The following PRKD3 variants were observed in gnomAD, a reference collection of about 807,000 sequenced individuals.
PRKD3 encodes the protein serine/threonine-protein kinase D3.
PRKD3 carries 47 observed loss-of-function variants against 99.2 expected under a neutral mutation model. The ratio of observed to expected loss-of-function variants is 0.47; its 90% CI spans 0.38 to 0.60. The LOEUF (loss-of-function observed/expected upper bound fraction) is 0.60. Ranked by LOEUF, PRKD3 falls within the 20% of genes least tolerant of loss-of-function variation. The pLI, the probability that PRKD3 is intolerant of heterozygous loss-of-function variation, is 0.00. For missense variants in PRKD3, 1,019 were observed against 1,088.4 expected (o/e 0.94, Z 0.90); for synonymous variants, 392 against 355.4 (o/e 1.10, Z -1.16).
At chr2:37,310,193 G>A (rs1671360498) in intron 2 of PRKD3, among the ~76,000 whole-genome samples, 1 of 152,062 alleles carries the variant, frequency 6.6e-6, no homozygotes, top group Non-Finnish European at 1.5e-5. Context: ...ATTACCACTG[G>A]CTAATTCTAA....
intron 6 of PRKD3, among the ~76,000 whole-genome samples, chr2:37,282,998 G>C (rs933955418): frequency 1.3e-5 from 2 of 152,162 alleles, no homozygotes; most frequent in African/African-American, 2.4e-5. Context: ...GAAAGAGACT[G>C]AGATCCAACA....
intron 13 of PRKD3, chr2:37,269,368 G>T (rs2148523561): frequency 4.2e-6 from 2 of 478,826 alleles, no homozygotes; most frequent in Non-Finnish European, 7.6e-6. Flanking sequence ...CTGTATGTGT[G>T]AGCTACAAGA....
At chr2:37,254,712 T>C (rs964792019) in intron 17 of PRKD3, among the ~76,000 whole-genome samples, 1 of 152,138 alleles carries the variant, frequency 6.6e-6, no homozygotes, top group East Asian at 1.9e-4. Context: ...TGAAGATGAA[T>C]GAAACAGACT....
intron 14 of PRKD3, among the ~76,000 whole-genome samples, chr2:37,264,080 T>G (rs982884400): frequency 1.3e-5 from 2 of 152,166 alleles, no homozygotes; most frequent in Admixed American, 1.3e-4. Context: ...CATTACCACA[T>G]AATCTAGGAA....
chr2:37,260,417 T>G, intron 14 of PRKD3, 33 bp from the exon 15 acceptor site: 2 of 1,568,486 alleles, frequency 1.3e-6, no homozygotes, highest in South Asian at 1.1e-5. Flanking sequence ...ATGAGCAACT[T>G]AAGCAGAGAA....
chr2:37,318,517 C>T (rs947772815), intron 1 of PRKD3, among the ~76,000 whole-genome samples: 2 of 152,216 alleles, frequency 1.3e-5, no homozygotes, highest in African/African-American at 2.4e-5. Context: ...CAAGAACACA[C>T]TATTTCTCGA....
intron 2 of PRKD3, among the ~76,000 whole-genome samples, chr2:37,307,332 A>G (rs1671210002): frequency 6.6e-6 from 1 of 152,256 alleles, no homozygotes; most frequent in Non-Finnish European, 1.5e-5. Flanking sequence ...TAAAAATTTC[A>G]GAGCATTCTA....
intron 14 of PRKD3, among the ~76,000 whole-genome samples, chr2:37,262,138 C>G (rs1668511704): frequency 6.6e-6 from 1 of 152,110 alleles, no homozygotes; most frequent in Non-Finnish European, 1.5e-5. Flanking sequence ...TGAGGAGCAT[C>G]CTGTACATTT....
intron 14 of PRKD3, among the ~76,000 whole-genome samples, chr2:37,265,689 A>G (rs920446268): frequency 6.6e-6 from 1 of 152,344 alleles, no homozygotes; most frequent in Middle Eastern, 3.4e-3. Flanking sequence ...TATCTGACAT[A>G]AACAATTTGA....
At chr2:37,282,170 C>G (rs1669883912) in intron 7 of PRKD3, 1 of 162,876 alleles carries the variant, frequency 6.1e-6, no homozygotes, top group Non-Finnish European at 1.3e-5. Flanking sequence ...GTTGAAATGT[C>G]AATATATTTA....
In PRKD3 at chr2:37,297,892, C is replaced by T. The variant is rs141174438; in HGVS notation, c.289-4621G>A. On this transcript the variant is annotated intron_variant, in intron 2 of 18. Coordinates refer to ENST00000234179, the MANE Select transcript of PRKD3 (RefSeq NM_005813.6). ...TCTCCACTGCAAAACTACTCTCCCC[C>T]CACCCTTTTCTATACATACTCTTTG... Among the ~76,000 whole-genome samples, 692 of 152,236 alleles carry T rather than the reference C, an allele frequency of 4.5e-3. 6 individuals carry two copies. The highest frequency in any genetic ancestry group is 0.015 in the African/African-American group (607 of 41,526).
chr2:37,308,475 A>T (rs1671262396), intron 2 of PRKD3, among the ~76,000 whole-genome samples: 1 of 152,004 alleles, frequency 6.6e-6, no homozygotes, highest in Non-Finnish European at 1.5e-5. Flanking sequence ...CTCAGGCTGC[A>T]GTGAAGTGGC....
rs1165557498 is a variant in PRKD3, at chr2:37,251,038, A to G, written c.*2139T>C. ...AAAGTTTGACTATGTAAGTATAGCA[A>G]ACAAACATCGTTCCAGTTAATTTTC... On this transcript the variant is annotated 3_prime_UTR_variant, in exon 19 of 19. Transcript: ENST00000234179. 1 of 152,644 alleles carries G rather than the reference A, an allele frequency of 6.6e-6. No individual in the cohort carries two copies. The highest frequency in any genetic ancestry group is 1.9e-4 in the East Asian group (1 of 5,202). 9.5% of individuals were successfully genotyped at this position (152,644 alleles called of 1,614,324 possible). A position where few individuals can be genotyped will look rare whatever the true frequency, so the allele number is the denominator to read the frequency against.
chr2:37,281,381 G>C (rs1047949413), intron 7 of PRKD3, among the ~76,000 whole-genome samples: 7 of 152,286 alleles, frequency 4.6e-5, no homozygotes, highest in Middle Eastern at 6.8e-3. Flanking sequence ...CTCTGTCAAG[G>C]TGTTAATCAG....
intron 8 of PRKD3, chr2:37,279,208 A>C (rs1669721315): frequency 6.6e-6 from 1 of 152,204 alleles, no homozygotes; most frequent in Non-Finnish European, 1.5e-5. Context: ...ACAAAAATTG[A>C]ATTTCTATGA....
At chr2:37,322,413 C>A (rs1269532664) in intron 1 of PRKD3, among the ~76,000 whole-genome samples, 1 of 152,206 alleles carries the variant, frequency 6.6e-6, no homozygotes, top group East Asian at 1.9e-4. Flanking sequence ...TAAAATTCTG[C>A]TCATCTGGAC....
rs1667513530 is a variant in PRKD3 at position 37,251,738 on chromosome 2, A to G, written c.*1439T>C. The G allele has an allele frequency of 6.6e-6, 1 of 152,114 alleles. No homozygotes were observed. The highest frequency in any genetic ancestry group is 1.5e-5 in the Non-Finnish European group (1 of 68,008). 9.4% of individuals were successfully genotyped at this position (152,114 alleles called of 1,614,324 possible). A position where few individuals can be genotyped will look rare whatever the true frequency, so the allele number is the denominator to read the frequency against. On this transcript the variant is annotated 3_prime_UTR_variant, in exon 19 of 19. Coordinates refer to ENST00000234179, the MANE Select transcript of PRKD3 (RefSeq NM_005813.6). ...CACGACAACACTGTGACAAAGGGAG[A>G]GGCAAGAATGATAATCTTCATTTTA...
At chr2:37,314,453 C>T (rs1671574227) in intron 2 of PRKD3, among the ~76,000 whole-genome samples, 2 of 152,186 alleles carry the variant, frequency 1.3e-5, no homozygotes, top group South Asian at 2.1e-4. Flanking sequence ...CACCCACTGA[C>T]CCACTCCTCA....
At chr2:37,297,451 T>C (rs142081015) in intron 2 of PRKD3, among the ~76,000 whole-genome samples, 3,391 of 152,306 alleles carry the variant, frequency 0.022, 55 homozygotes, top group Middle Eastern at 0.051. Flanking sequence ...ATTAGTTACA[T>C]GCTATATTTA....
Sources: allele counts gnomAD v4.1 joint callset (sites outside exome capture counted in the v4.1 genomes callset), GRCh38; gene constraint gnomAD v4.1.1; transcripts MANE v1.5; gene names NCBI Gene and HGNC (gene_info 2026-07-23, HGNC 2026-07-21).